MAPT: variants seen among roughly 807,000 people sequenced by gnomAD.
MAPT encodes microtubule associated protein tau, also known as microtubule-associated protein tau.
In MAPT, 34 loss-of-function variants were observed where a neutral mutation model predicts 67.9. That is an observed-to-expected ratio of 0.50 (90% confidence interval 0.38 to 0.67). The LOEUF (loss-of-function observed/expected upper bound fraction) is 0.67. Among genes scored for constraint, MAPT ranks in the 30% least tolerant of loss-of-function variants. The probability of loss-of-function intolerance (pLI) is 0.00; values close to 1 mark genes in which losing one functional copy is unlikely to be tolerated. For synonymous variants in MAPT, 456 were observed against 464.5 expected, an observed-to-expected ratio of 0.98 and a Z score of 0.23; for missense variants, 881 against 1,115.2, an observed-to-expected ratio of 0.79 and a Z score of 2.99.
intron 1 of MAPT, among the ~76,000 whole-genome samples, chr17:45,951,695 G>GC (rs893000962): frequency 1.1e-4 from 16 of 150,670 alleles, no homozygotes; most frequent in South Asian, 2.1e-4. Flanking sequence ...CCCCCACCCC[G>GC]CCCCCCGGGC....
intron 1 of MAPT, among the ~76,000 whole-genome samples, chr17:45,941,708 T>C (rs1315488032): frequency 1.9e-5 from 2 of 103,940 alleles, no homozygotes; most frequent in East Asian, 3.1e-4. Context: ...CCTGCCTGCC[T>C]TCCTTCCTTC....
intron 1 of MAPT, among the ~76,000 whole-genome samples, chr17:45,952,723 G>A (rs528626880): frequency 1.3e-5 from 2 of 152,322 alleles, no homozygotes; most frequent in South Asian, 4.1e-4. Flanking sequence ...TAAGAAGGGA[G>A]CCCTGGGGTC....
chr17:45,956,030 C>T (rs905525000), intron 1 of MAPT, among the ~76,000 whole-genome samples: 8 of 152,224 alleles, frequency 5.3e-5, no homozygotes, highest in Non-Finnish European at 1.2e-4. Context: ...GCCATGGGGC[C>T]TAGCCTCCTT....
chr17:45,969,468 C>T (rs1273397555), intron 2 of MAPT, among the ~76,000 whole-genome samples: 1 of 149,830 alleles, frequency 6.7e-6, no homozygotes, highest in African/African-American at 2.5e-5. Flanking sequence ...CCATCCATCC[C>T]TTCATCCATC....
intron 12 of MAPT, among the ~76,000 whole-genome samples, chr17:46,020,969 CTTTCCACCAGG>C (rs1232816514): frequency 6.6e-6 from 1 of 152,212 alleles, no homozygotes; most frequent in African/African-American, 2.4e-5. Context: ...GCCGGGCCGT[CTTTCCACCAGG>C]CCACTCAAGT....
At chr17:45,911,895 C>T (rs1225599899) in intron 1 of MAPT, among the ~76,000 whole-genome samples, 18 of 152,166 alleles carry the variant, frequency 1.2e-4, no homozygotes. Context: ...GGGAACAGGT[C>T]TGTATTTGGA....
rs201620886 is a variant in MAPT, at chr17:45,999,530, G to A, written c.1998+2866G>A. ...AGTTCTTACAGCTCTGAAGAGAGCAGCAGGAATGGGGCTGAGCAGGGAAGA... is the reference window on the plus strand; with the variant it reads ...AGTTCTTACAGCTCTGAAGAGAGCAACAGGAATGGGGCTGAGCAGGGAAGA... On this transcript the variant is annotated intron_variant, in intron 9 of 12. Coordinates refer to ENST00000262410, the MANE Select transcript of MAPT (RefSeq NM_001377265.1). The A allele has an allele frequency of 3.2e-4, 517 of 1,613,804 alleles. 4 individuals carry two copies. In the African/African-American group the frequency reaches 6.1e-3, roughly 19 times the overall value.
chr17:45,996,813 G>C lies in MAPT; in HGVS notation c.1998+149G>C. The C allele has an allele frequency of 2.7e-6, 3 of 1,095,418 alleles. No homozygotes were observed. Among genetic ancestry groups the C allele is most frequent in the East Asian group, 2.6e-5 (1 of 38,594 alleles). The allele number at this position is 1,095,418 out of a possible 1,614,324, so 67.9% of individuals were successfully genotyped here. ...TGGAGGTGTGGGGCTCCCCGCACCTGAGCACCCCCGCATAACACCCCAGTC... is the reference window on the plus strand; with the variant it reads ...TGGAGGTGTGGGGCTCCCCGCACCTCAGCACCCCCGCATAACACCCCAGTC... On this transcript the variant is annotated intron_variant, in intron 9 of 12. Transcript: ENST00000262410. This position sits in a 1 kb window ranked among gnomAD's most constrained non-coding sequence, Gnocchi z 4.5.
intron 1 of MAPT, among the ~76,000 whole-genome samples, chr17:45,909,121 C>A (rs1007465429): frequency 6.6e-6 from 1 of 152,164 alleles, no homozygotes; most frequent in Non-Finnish European, 1.5e-5. Flanking sequence ...AAATTAGGAG[C>A]TGGGCAGAGG....
At position 45,999,679 on chromosome 17, in the gene MAPT, G is replaced by A. The variant is rs755031412; in HGVS notation, c.1998+3015G>A. 42 of 1,564,998 alleles carry A rather than the reference G, an allele frequency of 2.7e-5. 1 individual carries two copies. The highest frequency in any genetic ancestry group is 1.7e-4 in the Middle Eastern group (1 of 5,838). ...ATGCCAAGTGTAGAAAGGGGCAGAT[G>A]GGAGCCCCAGGTTATGACGTCACCA... On this transcript the variant is annotated intron_variant, in intron 9 of 12. Transcript: ENST00000262410.
chr17:45,947,794 C>T (rs968294772), intron 1 of MAPT, among the ~76,000 whole-genome samples: 7 of 152,092 alleles, frequency 4.6e-5, no homozygotes, highest in Admixed American at 6.6e-5. Context: ...CCTCGTCTTT[C>T]CCCTTAACCC....
chr17:46,008,973 T>C (rs1467217487), intron 9 of MAPT, among the ~76,000 whole-genome samples: 3 of 152,198 alleles, frequency 2.0e-5, no homozygotes, highest in African/African-American at 7.2e-5. Context: ...CGAGGTGGGC[T>C]GATTGCTTGA....
intron 5 of MAPT, among the ~76,000 whole-genome samples, chr17:45,984,583 C>G (rs2073354504): frequency 6.6e-6 from 1 of 152,254 alleles, no homozygotes; most frequent in Non-Finnish European, 1.5e-5. Flanking sequence ...TGCCTTTGGC[C>G]CAGTGCCCTG....
In MAPT at chr17:45,989,911, A is replaced by G. The variant is rs985982182; in HGVS notation, c.1441A>G (p.Asn481Asp). 1.2e-6 allele frequency: 2 copies of G among 1,614,210 alleles called. No homozygotes were observed. Among genetic ancestry groups the G allele is most frequent in the Admixed American group, 3.3e-5 (2 of 60,026 alleles). ...ACGTTCCTCTGCTAAAACCTTGAAAAATAGGCCTTGCCTTAGCCCCAAACA... is the reference window on the plus strand; with the variant it reads ...ACGTTCCTCTGCTAAAACCTTGAAAGATAGGCCTTGCCTTAGCCCCAAACA... Reference protein sequence around the residue: ...STRSSAKTLKNRPCLSPKHPT... With the variant: ...STRSSAKTLKDRPCLSPKHPT... The change falls in exon 7 of 13, where the codon AAT (asparagine) becomes GAT (aspartate). Residue 481 changes from asparagine (N) to aspartate (D), a missense_variant. This residue lies in a region of MAPT where 687 missense variants were observed against 766.1 expected (regional missense o/e 0.90). Coordinates refer to ENST00000262410, the MANE Select transcript of MAPT (RefSeq NM_001377265.1).
chr17:45,933,181 A>T (rs1344012496), intron 1 of MAPT, among the ~76,000 whole-genome samples: 1 of 151,440 alleles, frequency 6.6e-6, no homozygotes, highest in Non-Finnish European at 1.5e-5. Flanking sequence ...CAGGCACATG[A>T]TGCTAATGAA....
intron 4 of MAPT, among the ~76,000 whole-genome samples, chr17:45,981,031 C>T (rs1477067350): frequency 6.6e-6 from 1 of 152,176 alleles, no homozygotes; most frequent in Non-Finnish European, 1.5e-5. Flanking sequence ...TTGGAGGGGC[C>T]CATGAGCATG....
intron 1 of MAPT, among the ~76,000 whole-genome samples, chr17:45,927,709 A>T (rs2066473551): frequency 6.6e-6 from 1 of 152,106 alleles, no homozygotes; most frequent in Non-Finnish European, 1.5e-5. Flanking sequence ...ATTTTTTTAA[A>T]AGCATCCTAG....
chr17:45,955,260 C>T (rs2069508831), intron 1 of MAPT, among the ~76,000 whole-genome samples: 1 of 152,182 alleles, frequency 6.6e-6, no homozygotes, highest in Admixed American at 6.5e-5. Flanking sequence ...ATAATACGAG[C>T]TTTTAATCCC....
In MAPT at chr17:45,906,542, G is replaced by A. The variant is rs1465355638; in HGVS notation, c.-18+11856G>A. ...TGGCATTTGAATTGAGCCAGAGCGG[G>A]GCTAAAGTCAGTTTGCCTTCACCCT... On this transcript the variant is annotated intron_variant, in intron 1 of 12. Coordinates refer to ENST00000262410, the MANE Select transcript of MAPT (RefSeq NM_001377265.1). The surrounding 1 kb of genome is among the most constrained non-coding windows in gnomAD (Gnocchi z 4.3). Among the ~76,000 whole-genome samples the A allele has an allele frequency of 1.3e-5, 2 of 152,122 alleles. No individual in the cohort carries two copies. The highest frequency in any genetic ancestry group is 1.5e-5 in the Non-Finnish European group (1 of 68,018).
Sources: gnomAD v4.1 joint callset for allele counts (sites outside exome capture counted in the v4.1 genomes callset) on GRCh38, gnomAD v4.1.1 for gene constraint, gnomAD v4.1.1 regional missense constraint, Gnocchi (gnomAD v3.1) non-coding constraint, MANE v1.5 for transcripts, NCBI Gene and HGNC (gene_info 2026-07-23, HGNC 2026-07-21) for gene names.